The following MIA2 variants were observed in gnomAD, a reference collection of about 807,000 sequenced individuals.
The protein encoded by MIA2 is MIA SH3 domain ER export factor 2.
MIA2 carries 127 observed loss-of-function variants against 167.8 expected under a neutral mutation model. That is an observed-to-expected ratio of 0.76 (90% CI 0.66 to 0.88). The LOEUF is 0.88. Ranked by LOEUF, MIA2 falls within the 40% of genes least tolerant of loss-of-function variation. MIA2 has a pLI of 0.00. For synonymous variants in MIA2, 552 were observed against 541.9 expected (o/e 1.02, Z -0.26); for missense variants, 1,690 against 1,624.7 (o/e 1.04, Z -0.69).
intron 12 of MIA2, 119 bp downstream of exon 12, chr14:39,294,190 AT>A (rs34805892): frequency 0.11 from 54,288 of 492,792 alleles, 119 homozygotes; most frequent in South Asian, 0.18. Context: ...CCAGATATGT[AT>A]TTTTTTTTTT....
intron 6 of MIA2, among the ~76,000 whole-genome samples, chr14:39,261,040 G>A (rs1189654204): frequency 6.6e-6 from 1 of 151,550 alleles, no homozygotes; most frequent in Non-Finnish European, 1.5e-5. Context: ...TGCACAACAT[G>A]CAGGTTTGTT....
chr14:39,284,193 T>C (rs536495872), intron 9 of MIA2, among the ~76,000 whole-genome samples: 1 of 152,324 alleles, frequency 6.6e-6, no homozygotes, highest in South Asian at 2.1e-4. Context: ...TCAGGTTTTA[T>C]GTTTAGGTCT....
rs1030006300 is a variant in MIA2 at position 39,321,169 on chromosome 14, G to A, written c.3496+113G>A. On this transcript the variant is annotated intron_variant, in intron 24 of 28. Transcript: ENST00000640607. The stretch of plus-strand genomic sequence containing the variant: ...TATTTGGAAAATACAGGCATTCCTT[G>A]CACTTACTGTAGATAACTTTTATTT... The A allele has an allele frequency of 8.1e-6, 8 of 983,030 alleles. No individual in the cohort carries two copies. The African/African-American group carries it at 1.2e-4, about 14-fold the overall frequency. The allele number at this position is 983,030 out of a possible 1,614,324, so 60.9% of individuals were successfully genotyped here.
chr14:39,372,198 T>C (rs2074961761), intron 23 of MIA2, among the ~76,000 whole-genome samples: 1 of 152,146 alleles, frequency 6.6e-6, no homozygotes, highest in Non-Finnish European at 1.5e-5. Flanking sequence ...GTAGGGTCTA[T>C]TTCACATAGG....
intron 9 of MIA2, among the ~76,000 whole-genome samples, chr14:39,281,683 G>A (rs116003318): frequency 0.019 from 2,846 of 149,738 alleles, 99 homozygotes; most frequent in African/African-American, 0.067. Context: ...GTGCAGTAGC[G>A]CGACCTCGGC....
intron 23 of MIA2, among the ~76,000 whole-genome samples, chr14:39,371,025 A>G (rs919004101): frequency 2.0e-5 from 3 of 152,124 alleles, no homozygotes; most frequent in Non-Finnish European, 4.4e-5. Flanking sequence ...CTGGAATTTT[A>G]CTTTTTTTTC....
intron 22 of MIA2, among the ~76,000 whole-genome samples, chr14:39,318,305 G>A (rs2065851537): frequency 6.6e-6 from 1 of 151,870 alleles, no homozygotes; most frequent in African/African-American, 2.4e-5. Context: ...AAAGAGAAGG[G>A]GTGAATCTCT....
intron 23 of MIA2, chr14:39,386,682 T>C (rs2075277311): frequency 8.8e-7 from 1 of 1,132,732 alleles, no homozygotes; most frequent in Non-Finnish European, 1.3e-6. Context: ...CTTCTCATTA[T>C]TGTTATTGTT....
chr14:39,237,477 C>T (rs1405267815), intron 2 of MIA2, among the ~76,000 whole-genome samples: 2 of 152,018 alleles, frequency 1.3e-5, no homozygotes, highest in Non-Finnish European at 2.9e-5. Context: ...TTTCAAAACA[C>T]GGTGTATATA....
intron 9 of MIA2, among the ~76,000 whole-genome samples, chr14:39,286,484 T>A (rs1006362491): frequency 6.6e-6 from 1 of 152,266 alleles, no homozygotes; most frequent in Admixed American, 6.5e-5. Context: ...AGATTTCGTT[T>A]TTGGCTAGGT....
chr14:39,386,821 T>C (rs1388450346), intron 23 of MIA2: 20 of 972,994 alleles, frequency 2.1e-5, no homozygotes, highest in Non-Finnish European at 3.3e-5. Flanking sequence ...CTGATGACCA[T>C]AGAATTCTCA....
At chr14:39,274,967 C>T (rs1213210089) in intron 6 of MIA2, among the ~76,000 whole-genome samples, 12 of 149,268 alleles carry the variant, frequency 8.0e-5, no homozygotes, top group African/African-American at 3.0e-4. Context: ...CCCAGCTACT[C>T]GGGAGGCTGA....
At chr14:39,375,988 C>G (rs1049220951) in intron 23 of MIA2, among the ~76,000 whole-genome samples, 14 of 152,186 alleles carry the variant, frequency 9.2e-5, no homozygotes, top group Non-Finnish European at 5.9e-5. Flanking sequence ...GGGCCTGGCT[C>G]TGTTGCCCAG....
chr14:39,361,978 A>G (rs764979896), intron 23 of MIA2, among the ~76,000 whole-genome samples: 2 of 152,086 alleles, frequency 1.3e-5, no homozygotes, highest in Non-Finnish European at 2.9e-5. Flanking sequence ...TGTTCATATG[A>G]TGTATCACAT....
intron 23 of MIA2, among the ~76,000 whole-genome samples, chr14:39,372,614 TAAGAG>T: frequency 6.6e-6 from 1 of 152,304 alleles, no homozygotes; most frequent in South Asian, 2.1e-4. Flanking sequence ...AAGAGGAATC[TAAGAG>T]TATAGGAAAG....
intron 23 of MIA2, chr14:39,370,225 G>A (rs965030115): frequency 6.5e-6 from 1 of 153,998 alleles, no homozygotes; most frequent in East Asian, 1.9e-4. Context: ...ATAGCGAAAA[G>A]CAAAATCGGT....
intron 28 of MIA2, among the ~76,000 whole-genome samples, chr14:39,349,790 T>C (rs971375293): frequency 6.6e-6 from 1 of 152,176 alleles, no homozygotes; most frequent in East Asian, 1.9e-4. Context: ...TTGAGGACTT[T>C]GATAATGAAA....
chr14:39,328,376 G>A (rs920721919), intron 25 of MIA2, among the ~76,000 whole-genome samples: 3 of 152,152 alleles, frequency 2.0e-5, no homozygotes, highest in Non-Finnish European at 4.4e-5. Context: ...CCCTTTGTCA[G>A]ATGGATAGAT....
At chr14:39,235,129 A>G (rs946938231) in intron 1 of MIA2, among the ~76,000 whole-genome samples, 1 of 151,330 alleles carries the variant, frequency 6.6e-6, no homozygotes, top group Non-Finnish European at 1.5e-5. Flanking sequence ...TCTGCCTCCC[A>G]GGTTCAAGCG....
Sources: gnomAD v4.1 joint callset for allele counts (sites outside exome capture counted in the v4.1 genomes callset) on GRCh38, gnomAD v4.1.1 for gene constraint, MANE v1.5 for transcripts, NCBI Gene and HGNC (gene_info 2026-07-23, HGNC 2026-07-21) for gene names.